Variants in FGF12 observed in about 807,000 individuals in gnomAD.
The protein encoded by FGF12 is fibroblast growth factor 12.
Under a neutral mutation model 23.6 loss-of-function variants are expected in FGF12, and 14 were observed. That is an observed-to-expected ratio of 0.59 (90% CI 0.39 to 0.93). The LOEUF (loss-of-function observed/expected upper bound fraction) is 0.93, where lower values mean the gene tolerates loss of function less well. FGF12 is among the 40% of genes least tolerant of loss of function. The pLI is 0.00. For missense variants in FGF12, 175 were observed against 217.8 expected (o/e 0.80, Z 1.24); for synonymous variants, 62 against 77.3 (o/e 0.80, Z 1.04).
chr3:192,568,963 G>A (rs1214000954), intron 2 of FGF12, among the ~76,000 whole-genome samples: 1 of 152,114 alleles, frequency 6.6e-6, no homozygotes, highest in Non-Finnish European at 1.5e-5. Flanking sequence ...CTTATGAAGG[G>A]CACACTTACG....
chr3:192,535,846 T>C lies in FGF12; in HGVS notation c.14-175308A>G, dbSNP rs190272925. The stretch of plus-strand genomic sequence containing the variant: ...ATAAACATACATATGCACGTTTTCA[T>C]ATGAAGCAAGTGTTCTAGAGCTCAT... On this transcript the variant is annotated intron_variant, in intron 2 of 5. Transcript: ENST00000445105. 1.1e-4 allele frequency among the ~76,000 whole-genome samples: 16 copies of C among 152,268 alleles called. 1 individual carries two copies. The East Asian group carries it at 2.3e-3, about 22-fold the overall frequency.
chr3:192,243,247 G>A (rs1269942498), intron 4 of FGF12, among the ~76,000 whole-genome samples: 1 of 151,964 alleles, frequency 6.6e-6, no homozygotes, highest in Non-Finnish European at 1.5e-5. Context: ...AACAAAATCA[G>A]AAAGAATAAC....
chr3:192,670,699 G>A (rs1275201151), intron 2 of FGF12, among the ~76,000 whole-genome samples: 1 of 152,142 alleles, frequency 6.6e-6, no homozygotes. Context: ...TTAAAGCACT[G>A]AATAAATGTT....
chr3:192,667,999 A>G (rs1716957611), intron 2 of FGF12, among the ~76,000 whole-genome samples: 1 of 152,218 alleles, frequency 6.6e-6, no homozygotes, highest in Non-Finnish European at 1.5e-5. Flanking sequence ...GCAAATGGTT[A>G]GCTATAAAGA....
At position 192,311,484 on chromosome 3, in the gene FGF12, T is replaced by G. The variant is rs559802324; in HGVS notation, c.228+23877A>C. 9.8e-5 allele frequency among the ~76,000 whole-genome samples: 15 copies of G among 152,368 alleles called. 1 individual carries two copies. In the South Asian group the frequency reaches 3.1e-3, roughly 32 times the overall value. ...AGCATGCATCAGTACTTTACTGCTT[T>G]TTGTTGCCAAATAATATTCCATTGT... On this transcript the variant is annotated intron_variant, in intron 4 of 5. Coordinates refer to ENST00000445105, the MANE Select transcript of FGF12 (RefSeq NM_004113.6).
intron 4 of FGF12, among the ~76,000 whole-genome samples, chr3:192,245,457 C>A (rs1182036702): frequency 2.0e-5 from 3 of 152,054 alleles, no homozygotes; most frequent in Non-Finnish European, 2.9e-5. Context: ...TATTGGGCAT[C>A]AATTAGCTAT....
At chr3:192,144,255 A>C (rs2108576728) in intron 5 of FGF12, 128 bp from the exon 6 acceptor site, 1 of 599,714 alleles carries the variant, frequency 1.7e-6, no homozygotes, top group East Asian at 2.9e-5. Flanking sequence ...ATAAAAAAAC[A>C]GTTTTAACTT....
chr3:192,705,822 A>G (rs1325332656), intron 2 of FGF12, among the ~76,000 whole-genome samples: 1 of 152,210 alleles, frequency 6.6e-6, no homozygotes, highest in East Asian at 1.9e-4. Flanking sequence ...ATCCCTGTAT[A>G]ATTTTTAAGC....
chr3:192,402,694 C>T (rs1174762114), intron 2 of FGF12, among the ~76,000 whole-genome samples: 1 of 152,098 alleles, frequency 6.6e-6, no homozygotes, highest in Non-Finnish European at 1.5e-5. Flanking sequence ...TCTCAGCAGA[C>T]TGCTATAAAA....
intron 2 of FGF12, among the ~76,000 whole-genome samples, chr3:192,629,007 C>T (rs575557871): frequency 7.2e-5 from 11 of 152,236 alleles, no homozygotes; most frequent in African/African-American, 2.6e-4. Flanking sequence ...ACCATTTCCT[C>T]TCTCTGGAAC....
intron 2 of FGF12, among the ~76,000 whole-genome samples, chr3:192,688,146 C>T (rs1560194939): frequency 1.3e-5 from 2 of 152,182 alleles, no homozygotes; most frequent in Non-Finnish European, 2.9e-5. Context: ...AGAGACACTA[C>T]TGAGGACCCT....
At chr3:192,511,079 A>G (rs1191788379) in intron 2 of FGF12, among the ~76,000 whole-genome samples, 1 of 152,130 alleles carries the variant, frequency 6.6e-6, no homozygotes, top group Non-Finnish European at 1.5e-5. Context: ...CTCAGTCTCT[A>G]GGCATCTGAT....
intron 3 of FGF12, among the ~76,000 whole-genome samples, chr3:192,340,697 G>C (rs560629085): frequency 6.6e-6 from 1 of 152,128 alleles, no homozygotes; most frequent in South Asian, 2.1e-4. Context: ...TAATGGAAAA[G>C]GTAATGAAGA....
chr3:192,522,297 C>T (rs1724841298), intron 2 of FGF12, among the ~76,000 whole-genome samples: 2 of 151,758 alleles, frequency 1.3e-5, no homozygotes, highest in South Asian at 2.1e-4. Flanking sequence ...AACAATAGCT[C>T]AGAAAGAATT....
intron 2 of FGF12, among the ~76,000 whole-genome samples, chr3:192,698,246 G>A (rs1365918177): frequency 1.3e-5 from 2 of 152,112 alleles, no homozygotes; most frequent in South Asian, 4.1e-4. Flanking sequence ...CAGATAATGT[G>A]CATGCTCATC....
At position 192,562,729 on chromosome 3, in the gene FGF12, C is replaced by T. The variant is rs543083513; in HGVS notation, c.13+164452G>A. On this transcript the variant is annotated intron_variant, in intron 2 of 5. Transcript: ENST00000445105. ...AAATTCTGGGTGATACTAACCCTAC[C>T]TCTGAGACTTTTTTTTTTTTTTTGA... is the stretch of plus-strand genomic sequence containing the variant. Among the ~76,000 whole-genome samples the T allele has an allele frequency of 6.7e-5, 10 of 149,166 alleles. No homozygotes were observed. In the South Asian group the frequency reaches 1.7e-3, roughly 26 times the overall value.
At chr3:192,402,320 G>A (rs554894882) in intron 2 of FGF12, among the ~76,000 whole-genome samples, 2 of 152,270 alleles carry the variant, frequency 1.3e-5, no homozygotes, top group Admixed American at 1.3e-4. Flanking sequence ...ATTCAGGCAG[G>A]AACATCCGAG....
At chr3:192,305,981 C>T (rs1373906444) in intron 4 of FGF12, among the ~76,000 whole-genome samples, 6 of 150,782 alleles carry the variant, frequency 4.0e-5, no homozygotes, top group African/African-American at 1.2e-4. Flanking sequence ...CTGCCTCAGC[C>T]TCCCAAGTAG....
intron 2 of FGF12, among the ~76,000 whole-genome samples, chr3:192,645,767 TAAAAAAAA>T (rs55809400): frequency 1.4e-5 from 1 of 71,064 alleles, no homozygotes; most frequent in Non-Finnish European, 2.7e-5. Flanking sequence ...ACAAAACAGG[TAAAAAAAA>T]AAAAAAAAAA....
Sources: allele counts gnomAD v4.1 joint callset (sites outside exome capture counted in the v4.1 genomes callset), GRCh38; gene constraint gnomAD v4.1.1; transcripts MANE v1.5; gene names NCBI Gene and HGNC (gene_info 2026-07-23, HGNC 2026-07-21).